The following TPST2 variants were observed in gnomAD, a reference collection of about 807,000 sequenced individuals.
TPST2 encodes the protein protein-tyrosine sulfotransferase 2.
In TPST2, 16 loss-of-function variants were observed where a neutral mutation model predicts 27.8. The ratio of observed to expected loss-of-function variants is 0.58; its 90% CI spans 0.39 to 0.88. The LOEUF is 0.88. TPST2 is among the 40% of genes least tolerant of loss of function. The pLI is 0.00. For synonymous variants in TPST2, 229 were observed against 231.7 expected, an observed-to-expected ratio of 0.99 and a Z score of 0.10; for missense variants, 464 against 543.1, an observed-to-expected ratio of 0.85 and a Z score of 1.45.
intron 5 of TPST2, among the ~76,000 whole-genome samples, chr22:26,529,692 C>G (rs1925043511): frequency 6.6e-6 from 1 of 152,144 alleles, no homozygotes; most frequent in African/African-American, 2.4e-5. Context: ...CATACCTCAC[C>G]CTACGCTTCT....
rs1036417278 is a variant in TPST2 at position 26,541,761 on chromosome 22, G to A, written c.-88-43C>T. 3 of 1,427,638 alleles carry A rather than the reference G, an allele frequency of 2.1e-6. No individual in the cohort carries two copies. Among genetic ancestry groups the A allele is most frequent in the Non-Finnish European group, 2.7e-6 (3 of 1,094,342 alleles). 88.4% of individuals were successfully genotyped at this position (1,427,638 alleles called of 1,614,324 possible). ...CATGCATAGTCAGGGAGGTCTGTGA[G>A]CTGTGAGCTCTCCAATAACTGCAAA... On this transcript the variant is annotated intron_variant, in intron 2 of 6. Coordinates refer to ENST00000338754, the MANE Select transcript of TPST2 (RefSeq NM_003595.5). This position sits in a 1 kb window ranked among gnomAD's most constrained non-coding sequence, Gnocchi z 5.9.
At chr22:26,551,032 G>A (rs370722147) in intron 1 of TPST2, among the ~76,000 whole-genome samples, 1 of 152,364 alleles carries the variant, frequency 6.6e-6, no homozygotes, top group African/African-American at 2.4e-5. Flanking sequence ...GGTGGCTCAT[G>A]CCTATAATCC....
chr22:26,562,201 T>C (rs1927137064), intron 1 of TPST2, among the ~76,000 whole-genome samples: 1 of 152,224 alleles, frequency 6.6e-6, no homozygotes, highest in South Asian at 2.1e-4. Flanking sequence ...AGCTCCTCCT[T>C]TGCTGTGTGA....
chr22:26,579,326 G>A lies in TPST2; in HGVS notation c.-161+10727C>T, dbSNP rs12168293. Among the ~76,000 whole-genome samples, 1,018 of 152,322 alleles carry A rather than the reference G, an allele frequency of 6.7e-3. 11 individuals are homozygous for A. Among genetic ancestry groups the A allele is most frequent in the African/African-American group, 0.024 (983 of 41,578 alleles). ...AGCAGTGCTCAGAGGAAGGGTAGCC[G>A]ACACTCCCCCAGTACCCCAAACCAA... On this transcript the variant is annotated intron_variant, in intron 1 of 6. Coordinates refer to ENST00000338754, the MANE Select transcript of TPST2 (RefSeq NM_003595.5).
At chr22:26,526,586 C>T (rs543767665) in intron 6 of TPST2, among the ~76,000 whole-genome samples, 2 of 152,218 alleles carry the variant, frequency 1.3e-5, no homozygotes, top group African/African-American at 4.8e-5. Context: ...TCAAGGCCAA[C>T]TCTGTACCCA....
At chr22:26,577,806 G>A (rs182141911) in intron 1 of TPST2, among the ~76,000 whole-genome samples, 2 of 151,626 alleles carry the variant, frequency 1.3e-5, no homozygotes, top group East Asian at 3.9e-4. Flanking sequence ...TTACAGGCTT[G>A]AGCCACCATG....
In TPST2 at chr22:26,529,007, A is replaced by AAC. The variant is rs757738521; in HGVS notation, c.1093-746_1093-745insGT. On this transcript the variant is annotated intron_variant, in intron 5 of 6. Coordinates refer to ENST00000338754, the MANE Select transcript of TPST2 (RefSeq NM_003595.5). ...AAAAAAACAAAAACAAAAACAAAAAAAAAACAAAACGTATCTTTTGCATGC... is the reference window on the plus strand; with the variant it reads ...AAAAAAACAAAAACAAAAACAAAAAAACAAAACAAAACGTATCTTTTGCATGC... 4.6e-5 allele frequency among the ~76,000 whole-genome samples: 7 copies of AAC among 151,470 alleles called. No individual in the cohort carries two copies. In the South Asian group the frequency reaches 6.3e-4, roughly 14 times the overall value.
chr22:26,567,624 A>T (rs1927431259), intron 1 of TPST2, among the ~76,000 whole-genome samples: 1 of 152,218 alleles, frequency 6.6e-6, no homozygotes, highest in Admixed American at 6.5e-5. Flanking sequence ...CCTCTTATGG[A>T]TCAAATGAAG....
chr22:26,577,951 GC>G (rs1927923046), intron 1 of TPST2, among the ~76,000 whole-genome samples: 1 of 152,058 alleles, frequency 6.6e-6, no homozygotes, highest in Non-Finnish European at 1.5e-5. Flanking sequence ...ACCATGCCTG[GC>G]CGAGTTTCAT....
intron 1 of TPST2, among the ~76,000 whole-genome samples, chr22:26,570,579 G>C (rs1055967405): frequency 6.6e-6 from 1 of 152,148 alleles, no homozygotes; most frequent in Admixed American, 6.5e-5. Flanking sequence ...CAGTTCAGGA[G>C]ATACTAGCGC....
intron 1 of TPST2, among the ~76,000 whole-genome samples, chr22:26,582,127 A>C (rs1453751677): frequency 1.3e-5 from 2 of 152,190 alleles, no homozygotes; most frequent in African/African-American, 4.8e-5. Flanking sequence ...CAAACCTGCT[A>C]ATCAGAATGT....
intron 1 of TPST2, among the ~76,000 whole-genome samples, chr22:26,587,267 T>G (rs900487239): frequency 1.3e-5 from 2 of 152,116 alleles, no homozygotes; most frequent in South Asian, 4.1e-4. Context: ...CCACCTTCCT[T>G]TCACCCCCTC....
chr22:26,557,826 T>A (rs1188990806), intron 1 of TPST2, among the ~76,000 whole-genome samples: 1 of 150,112 alleles, frequency 6.7e-6, no homozygotes, highest in African/African-American at 2.5e-5. Flanking sequence ...GAGGGAGGAT[T>A]GCTTGAGCTC....
intron 1 of TPST2, among the ~76,000 whole-genome samples, chr22:26,558,701 C>T (rs951864625): frequency 2.0e-5 from 3 of 152,116 alleles, no homozygotes; most frequent in Admixed American, 6.5e-5. Flanking sequence ...CTAGGGAGAG[C>T]AAAAGGCTTG....
intron 6 of TPST2, among the ~76,000 whole-genome samples, chr22:26,527,324 C>T (rs768392763): frequency 6.6e-5 from 10 of 152,192 alleles, no homozygotes; most frequent in Non-Finnish European, 7.3e-5. Context: ...TGAGCTCACT[C>T]ATGCAGCCTT....
intron 2 of TPST2, among the ~76,000 whole-genome samples, chr22:26,544,349 TTC>T (rs1166230874): frequency 5.3e-5 from 8 of 152,172 alleles, no homozygotes; most frequent in Admixed American, 3.3e-4. Flanking sequence ...GGACTCAGCC[TTC>T]TCTCTCCTAT....
chr22:26,587,206 G>A (rs1297898066), intron 1 of TPST2, among the ~76,000 whole-genome samples: 1 of 152,178 alleles, frequency 6.6e-6, no homozygotes, highest in East Asian at 1.9e-4. Flanking sequence ...CAAAGCCTCA[G>A]CTGGCAAGGG....
In TPST2 at chr22:26,549,616, C is replaced by T. The variant is rs1926340749; in HGVS notation, c.-160-4941G>A. Among the ~76,000 whole-genome samples the T allele has an allele frequency of 2.1e-5, 3 of 142,892 alleles. No homozygotes were observed. In the South Asian group the frequency reaches 6.8e-4, roughly 32 times the overall value. The allele number at this position is 142,892 out of a possible 152,430, so 93.7% of individuals were successfully genotyped here. ...AGGTTGCAGTGAGCCGAGATCATGCCACTGCACTCCAGCCTGGGCGACAGA... is the reference window on the plus strand; with the variant it reads ...AGGTTGCAGTGAGCCGAGATCATGCTACTGCACTCCAGCCTGGGCGACAGA... On this transcript the variant is annotated intron_variant, in intron 1 of 6. Transcript: ENST00000338754.
intron 1 of TPST2, among the ~76,000 whole-genome samples, chr22:26,575,939 T>C (rs1927817000): frequency 6.6e-6 from 1 of 151,942 alleles, no homozygotes; most frequent in South Asian, 2.1e-4. Flanking sequence ...GAGGTTGCAG[T>C]GAGCCGAGAT....
Sources: allele counts gnomAD v4.1 joint callset (sites outside exome capture counted in the v4.1 genomes callset), GRCh38; gene constraint gnomAD v4.1.1; non-coding constraint Gnocchi (gnomAD v3.1); transcripts MANE v1.5; gene names NCBI Gene and HGNC (gene_info 2026-07-23, HGNC 2026-07-21).